GAREM1: variants seen among roughly 807,000 people sequenced by gnomAD.
GAREM1 encodes GRB2 associated regulator of MAPK1 subtype 1, also known as GRB2-associated and regulator of MAPK protein 1.
Under a neutral mutation model 71.3 loss-of-function variants are expected in GAREM1, and 26 were observed. The observed-to-expected ratio is 0.36, with a 90% confidence interval of 0.27 to 0.51. The LOEUF (loss-of-function observed/expected upper bound fraction) is 0.51. Ranked by LOEUF, GAREM1 falls within the 20% of genes least tolerant of loss-of-function variation. The probability of loss-of-function intolerance (pLI) is 0.95; values close to 1 mark genes in which losing one functional copy is unlikely to be tolerated. For synonymous variants in GAREM1, 440 were observed against 433.2 expected, an observed-to-expected ratio of 1.02 and a Z score of -0.20; for missense variants, 1,026 against 1,103.1, an observed-to-expected ratio of 0.93 and a Z score of 0.99.
chr18:32,447,298 T>C (rs1376134016), intron 1 of GAREM1, among the ~76,000 whole-genome samples: 2 of 152,150 alleles, frequency 1.3e-5, no homozygotes, highest in East Asian at 3.9e-4. Context: ...ATATATACCT[T>C]TAAATAAGAA....
In GAREM1 at chr18:32,287,127, C is replaced by T. The variant is rs374446080; in HGVS notation, c.1470G>A (p.Ala490=). The change falls in exon 4 of 6, where the codon GCG becomes GCA. Residue 490 remains alanine, a synonymous_variant. Transcript: ENST00000269209. This position sits in a 1 kb window ranked among gnomAD's most constrained non-coding sequence, Gnocchi z 5.9. ...QFRGSVRSKC[A]TSPLPIPGTL... is the part of the protein sequence containing the mutation. ...TCCCAGGGATGGGAAGAGGAGAAGT[C>T]GCACATTTGGATCGGACAGAACCTC... is the stretch of plus-strand genomic sequence containing the variant. 1.3e-5 allele frequency: 21 copies of T among 1,614,186 alleles called. No homozygotes were observed. Among genetic ancestry groups the T allele is most frequent in the East Asian group, 2.2e-5 (1 of 44,874 alleles).
At chr18:32,441,931 A>G (rs1005192646) in intron 1 of GAREM1, among the ~76,000 whole-genome samples, 6 of 152,114 alleles carry the variant, frequency 3.9e-5, no homozygotes, top group African/African-American at 1.4e-4. Flanking sequence ...AACTACCCCC[A>G]CAATACAACA....
chr18:32,317,981 T>C (rs772129138), intron 2 of GAREM1, among the ~76,000 whole-genome samples: 25 of 152,290 alleles, frequency 1.6e-4, no homozygotes, highest in Middle Eastern at 3.4e-3. Flanking sequence ...ATAAAAACAT[T>C]TGGAGATTGT....
rs145151294 is a variant in GAREM1, at chr18:32,398,371, T to A, written c.122-5336A>T. ...GAACCCTTCAAAAAAATCAATGAAT[T>A]CCAGGAGCTGGTTTTTTGGAAAGAT... is the stretch of plus-strand genomic sequence containing the variant. On this transcript the variant is annotated intron_variant, in intron 1 of 5. Coordinates refer to ENST00000269209, the MANE Select transcript of GAREM1 (RefSeq NM_001242409.2). 2.3e-3 allele frequency among the ~76,000 whole-genome samples: 345 copies of A among 152,042 alleles called. 2 individuals are homozygous for A. The highest frequency in any genetic ancestry group is 8.0e-3 in the African/African-American group (332 of 41,502).
intron 2 of GAREM1, among the ~76,000 whole-genome samples, chr18:32,370,243 C>A (rs1284060743): frequency 6.6e-6 from 1 of 152,026 alleles, no homozygotes; most frequent in African/African-American, 2.4e-5. Context: ...TCCTGGCCAA[C>A]ATAGTGAAAC....
chr18:32,308,736 A>G (rs552051896), intron 3 of GAREM1, among the ~76,000 whole-genome samples: 12 of 150,560 alleles, frequency 8.0e-5, no homozygotes, highest in African/African-American at 2.5e-4. Context: ...GTTAAAAACG[A>G]TAAATATTTT....
chr18:32,433,520 TC>T (rs758162787), intron 1 of GAREM1, among the ~76,000 whole-genome samples: 5 of 151,776 alleles, frequency 3.3e-5, no homozygotes, highest in Admixed American at 6.6e-5. Context: ...TATAAAATTG[TC>T]CCCATTTTCA....
chr18:32,387,923 C>A (rs1388441414), intron 2 of GAREM1, among the ~76,000 whole-genome samples: 1 of 152,150 alleles, frequency 6.6e-6, no homozygotes, highest in Non-Finnish European at 1.5e-5. Context: ...GAGCTGTGGC[C>A]TATGGCTGCC....
intron 2 of GAREM1, among the ~76,000 whole-genome samples, chr18:32,335,289 T>C (rs1051610479): frequency 6.6e-6 from 1 of 152,204 alleles, no homozygotes; most frequent in Non-Finnish European, 1.5e-5. Context: ...TTAAAGGCAA[T>C]GTAATTCACC....
Position 32,392,908 on chromosome 18 carries a change from C to G in GAREM1, c.249G>C (p.Pro83=). 1 of 1,613,734 alleles carries G rather than the reference C, an allele frequency of 6.2e-7. No individual in the cohort carries two copies. The highest frequency in any genetic ancestry group is 8.5e-7 in the Non-Finnish European group (1 of 1,179,814). The change falls in exon 2 of 6, where the codon CCG becomes CCC. Residue 83 remains proline, a synonymous_variant. Coordinates refer to ENST00000269209, the MANE Select transcript of GAREM1 (RefSeq NM_001242409.2). ...HYVIGPKIEI[P]VHYAGQFKLL... Reference sequence around the variant, plus strand: ...GAGGAGTCTTACCTGCATAATGTACCGGAATCTCTATCTTTGGCCCAATGA... The same window carrying G: ...GAGGAGTCTTACCTGCATAATGTACGGGAATCTCTATCTTTGGCCCAATGA...
chr18:32,457,220 A>AGTGTGT (rs1568018906), intron 1 of GAREM1, among the ~76,000 whole-genome samples: 2 of 109,328 alleles, frequency 1.8e-5, no homozygotes, highest in Non-Finnish European at 4.0e-5. Flanking sequence ...AGAGAGAGAG[A>AGTGTGT]GAGAGAGTGT....
At chr18:32,345,091 AAAC>A (rs1007719418) in intron 2 of GAREM1, among the ~76,000 whole-genome samples, 1 of 152,110 alleles carries the variant, frequency 6.6e-6, no homozygotes, top group Non-Finnish European at 1.5e-5. Context: ...ACCAAAAACC[AAAC>A]AACAACAACA....
At chr18:32,413,158 G>A in intron 1 of GAREM1, 2 of 1,578,904 alleles carry the variant, frequency 1.3e-6, no homozygotes, top group Non-Finnish European at 1.7e-6. Context: ...GGCTCTTTAG[G>A]AGACTCTGAC....
At chr18:32,364,007 TATATATATATATA>T (rs2047895637) in intron 2 of GAREM1, among the ~76,000 whole-genome samples, 3 of 48,048 alleles carry the variant, frequency 6.2e-5, no homozygotes, top group African/African-American at 3.0e-4. Context: ...TATATATATA[TATATATATATATA>T]TATATATGTT....
chr18:32,418,865 G>A (rs1425160844), intron 1 of GAREM1, among the ~76,000 whole-genome samples: 1 of 152,186 alleles, frequency 6.6e-6, no homozygotes, highest in African/African-American at 2.4e-5. Context: ...ATGAAGAGAA[G>A]GATAACGTGT....
At chr18:32,341,661 A>C (rs1232429010) in intron 2 of GAREM1, among the ~76,000 whole-genome samples, 1 of 152,196 alleles carries the variant, frequency 6.6e-6, no homozygotes, top group Non-Finnish European at 1.5e-5. Context: ...TTCTTTCTTT[A>C]ATATGGCAGC....
chr18:32,431,689 T>C (rs1331953027), intron 1 of GAREM1, among the ~76,000 whole-genome samples: 1 of 152,078 alleles, frequency 6.6e-6, no homozygotes. Context: ...GTGAAAGATA[T>C]AAATTTACAG....
chr18:32,287,304 G>A lies in GAREM1; in HGVS notation c.1293C>T (p.Ser431=), dbSNP rs368834021. ...CACTAGCTTCTGGGAAAAGGTAGTC[G>A]CTCCCACTATCTCCAGAGTCCTGAT... ...LPYQDSGDSG[S]DYLFPEASEE... The change falls in exon 4 of 6, where the codon AGC becomes AGT. Residue 431 remains serine, a synonymous_variant. Coordinates refer to ENST00000269209, the MANE Select transcript of GAREM1 (RefSeq NM_001242409.2). The surrounding 1 kb of genome is among the most constrained non-coding windows in gnomAD (Gnocchi z 5.9). The A allele has an allele frequency of 5.6e-5, 90 of 1,614,024 alleles. No homozygotes were observed. The African/African-American group carries it at 7.1e-4, about 13-fold the overall frequency.
At chr18:32,434,263 C>A (rs1468102924) in intron 1 of GAREM1, among the ~76,000 whole-genome samples, 1 of 152,128 alleles carries the variant, frequency 6.6e-6, no homozygotes, top group Non-Finnish European at 1.5e-5. Flanking sequence ...TGAGTTCATA[C>A]ACAGACAGAT....
Sources: gnomAD v4.1 joint callset for allele counts (sites outside exome capture counted in the v4.1 genomes callset) on GRCh38, gnomAD v4.1.1 for gene constraint, Gnocchi (gnomAD v3.1) non-coding constraint, MANE v1.5 for transcripts, NCBI Gene and HGNC (gene_info 2026-07-23, HGNC 2026-07-21) for gene names.